RPIA: variants seen among roughly 807,000 people sequenced by gnomAD.
RPIA encodes the protein ribose-5-phosphate isomerase.
A neutral mutation model predicts 37.8 loss-of-function variants in RPIA; 29 were observed. The observed-to-expected ratio is 0.77, with a 90% confidence interval of 0.57 to 1.05. RPIA has a LOEUF of 1.05. RPIA is among the 50% of genes least tolerant of loss of function. The pLI is 0.00. For missense variants in RPIA, 385 were observed against 413.6 expected, an observed-to-expected ratio of 0.93 and a Z score of 0.60; for synonymous variants, 167 against 157.0, an observed-to-expected ratio of 1.06 and a Z score of -0.48.
intron 1 of RPIA, among the ~76,000 whole-genome samples, chr2:88,692,270 TTTG>T (rs1295744845): frequency 6.6e-6 from 1 of 152,184 alleles, no homozygotes; most frequent in Non-Finnish European, 1.5e-5. Flanking sequence ...CTGTCTGATG[TTTG>T]GAATGGGGGC....
At chr2:88,726,221 G>A (rs1013595948) in intron 3 of RPIA, among the ~76,000 whole-genome samples, 2 of 152,246 alleles carry the variant, frequency 1.3e-5, no homozygotes, top group African/African-American at 2.4e-5. Flanking sequence ...TGGGGTGGGC[G>A]GCTGGTGGTT....
chr2:88,739,185 ATTGCG>A, intron 8 of RPIA, among the ~76,000 whole-genome samples: 1 of 152,322 alleles, frequency 6.6e-6, no homozygotes, highest in South Asian at 2.1e-4. Flanking sequence ...TTCTTAGGAT[ATTGCG>A]AGACTAAGAG....
intron 3 of RPIA, among the ~76,000 whole-genome samples, chr2:88,714,962 A>G (rs1229306479): frequency 1.3e-5 from 2 of 152,224 alleles, no homozygotes; most frequent in Non-Finnish European, 2.9e-5. Flanking sequence ...GGGAGTACAG[A>G]GGGAGGATTA....
intron 3 of RPIA, among the ~76,000 whole-genome samples, chr2:88,728,903 A>T (rs1673230075): frequency 6.6e-6 from 1 of 152,146 alleles, no homozygotes; most frequent in Non-Finnish European, 1.5e-5. Flanking sequence ...TTTTTATACC[A>T]TTGGATTGTT....
At chr2:88,734,059 T>C (rs1236988102) in intron 4 of RPIA, among the ~76,000 whole-genome samples, 1 of 151,950 alleles carries the variant, frequency 6.6e-6, no homozygotes, top group East Asian at 1.9e-4. Context: ...GTGAGGTTGC[T>C]CACAGTTAGT....
chr2:88,726,091 G>T (rs1437556614), intron 3 of RPIA, among the ~76,000 whole-genome samples: 1 of 152,182 alleles, frequency 6.6e-6, no homozygotes, highest in East Asian at 1.9e-4. Context: ...CTCAGGGCTT[G>T]CAGAAGTTGA....
chr2:88,734,674 G>C (rs1236466473), intron 5 of RPIA, 58 bp downstream of exon 5: 32 of 1,546,004 alleles, frequency 2.1e-5, no homozygotes, highest in Non-Finnish European at 2.9e-5. Flanking sequence ...CCTTAGCAAA[G>C]CAAGATGGAT....
chr2:88,719,399 C>T (rs1213215152), intron 3 of RPIA, among the ~76,000 whole-genome samples: 1 of 152,112 alleles, frequency 6.6e-6, no homozygotes, highest in African/African-American at 2.4e-5. Flanking sequence ...TCATATTTGA[C>T]AATGCTTCCT....
intron 1 of RPIA, among the ~76,000 whole-genome samples, chr2:88,692,231 T>A (rs6707075): frequency 0.28 from 42,985 of 152,170 alleles, 6,223 homozygotes; most frequent in Admixed American, 0.32. Flanking sequence ...CTTGTCCAGC[T>A]GGAACAGTTT....
intron 3 of RPIA, among the ~76,000 whole-genome samples, chr2:88,724,081 C>G (rs1244627167): frequency 2.6e-5 from 4 of 152,090 alleles, no homozygotes; most frequent in Non-Finnish European, 5.9e-5. Flanking sequence ...GCAGTTCCCA[C>G]CTTGATTGAT....
chr2:88,746,333 C>A (rs1233251321), intron 8 of RPIA, among the ~76,000 whole-genome samples: 1 of 152,188 alleles, frequency 6.6e-6, no homozygotes, highest in African/African-American at 2.4e-5. Flanking sequence ...TGCTGTAGAA[C>A]CTCGTTTTGT....
rs1676932900 is a variant in RPIA, at chr2:88,691,705, C to T, written c.7C>T (p.Arg3Cys). 6.4e-7 allele frequency: 1 copy of T among 1,567,964 alleles called. No homozygotes were observed. Among genetic ancestry groups the T allele is most frequent in the Non-Finnish European group, 8.6e-7 (1 of 1,165,752 alleles). Residue 3 changes from arginine to cysteine, a missense_variant, in exon 1 of 9, where the codon CGC becomes TGC. Physicochemically the swap from Arg to Cys is radical, Grantham distance 180 (BLOSUM62 -3). This residue lies in a region of RPIA where 232 missense variants were observed against 203.0 expected (regional missense o/e 1.14). Coordinates refer to ENST00000283646, the MANE Select transcript of RPIA (RefSeq NM_144563.3). MQ[R>C]PGPFSTLYGR... ...GCCGGAGCGAGGCGTCGGGATGCAG[C>T]GCCCCGGGCCCTTCAGCACCCTCTA...
intron 7 of RPIA, 61 bp from the exon 8 acceptor site, chr2:88,737,916 C>T (rs1673335159): frequency 8.0e-7 from 1 of 1,255,260 alleles, no homozygotes; most frequent in South Asian, 1.2e-5. Flanking sequence ...CCTCTACTTT[C>T]CTGTCCTTCT....
intron 2 of RPIA, among the ~76,000 whole-genome samples, chr2:88,699,102 C>A (rs1304942568): frequency 6.6e-6 from 1 of 152,242 alleles, no homozygotes; most frequent in Non-Finnish European, 1.5e-5. Context: ...AGAGGAGAGG[C>A]CTGCCTGAAT....
intron 8 of RPIA, among the ~76,000 whole-genome samples, chr2:88,745,472 G>T (rs530836501): frequency 6.6e-6 from 1 of 152,248 alleles, no homozygotes; most frequent in Admixed American, 6.5e-5. Context: ...GACTGGCTTG[G>T]TAGTGGCGAA....
At chr2:88,706,083 G>T (rs1672893984) in intron 3 of RPIA, among the ~76,000 whole-genome samples, 1 of 152,122 alleles carries the variant, frequency 6.6e-6, no homozygotes, top group African/African-American at 2.4e-5. Flanking sequence ...TGTGGAGACA[G>T]GAATGCTTTT....
Position 88,735,713 on chromosome 2 carries a change from G to C in RPIA, c.572G>C (p.Arg191Pro). The C allele has an allele frequency of 6.2e-7, 1 of 1,614,030 alleles. No individual in the cohort carries two copies. Among genetic ancestry groups the C allele is most frequent in the Non-Finnish European group, 8.5e-7 (1 of 1,179,956 alleles). ...QEKIVAGYAS[R>P]FIVIADFRKD... ...AAGATTGTGGCTGGCTATGCTAGTC[G>C]CTTCATCGTGATCGCTGATTTCAGG... The change falls in exon 6 of 9, where the codon CGC becomes CCC. Residue 191 changes from arginine to proline, a missense_variant. This residue lies in a region of RPIA where 153 missense variants were observed against 210.6 expected (regional missense o/e 0.73). Transcript: ENST00000283646.
chr2:88,713,115 TA>T (rs1355810426), intron 3 of RPIA, among the ~76,000 whole-genome samples: 1 of 98,462 alleles, frequency 1.0e-5, no homozygotes, highest in African/African-American at 4.4e-5. Context: ...TATATATATA[TA>T]TATATTTTTT....
chr2:88,700,139 G>A lies in RPIA; in HGVS notation c.402+75G>A, dbSNP rs557194600. ...GGTTCCCCGGGGTTGTGGACCTATG[G>A]CCTTGTCTTGTACCTCAAGGTTGTT... On this transcript the variant is annotated intron_variant, in intron 3 of 8. Transcript: ENST00000283646. 2.9e-6 allele frequency: 4 copies of A among 1,402,000 alleles called. No homozygotes were observed. In the South Asian group the frequency reaches 3.5e-5, roughly 12 times the overall value. 86.8% of individuals were successfully genotyped at this position (1,402,000 alleles called of 1,614,324 possible). A position where few individuals can be genotyped will look rare whatever the true frequency, so the allele number is the denominator to read the frequency against.
Sources: allele counts gnomAD v4.1 joint callset (sites outside exome capture counted in the v4.1 genomes callset), GRCh38; gene constraint gnomAD v4.1.1; regional missense constraint gnomAD v4.1.1; transcripts MANE v1.5; gene names NCBI Gene and HGNC (gene_info 2026-07-23, HGNC 2026-07-21).